Variants in GRM7 observed in about 807,000 individuals in gnomAD.
The protein encoded by GRM7 is glutamate metabotropic receptor 7.
GRM7 carries 35 observed loss-of-function variants against 84.5 expected under a neutral mutation model. The ratio of observed to expected loss-of-function variants is 0.41; its 90% CI spans 0.32 to 0.55. The LOEUF is 0.55. GRM7 is among the 20% of genes least tolerant of loss of function. GRM7 has a pLI of 0.19. For synonymous variants in GRM7, 487 were observed against 455.1 expected, an observed-to-expected ratio of 1.07 and a Z score of -0.89; for missense variants, 1,003 against 1,194.6, an observed-to-expected ratio of 0.84 and a Z score of 2.36.
chr3:7,019,311 C>G (rs940702287), intron 1 of GRM7, among the ~76,000 whole-genome samples: 3 of 152,052 alleles, frequency 2.0e-5, no homozygotes, highest in Non-Finnish European at 4.4e-5. Flanking sequence ...CACCCAAAGT[C>G]AATACTTTAC....
chr3:7,316,074 G>A (rs753630002), intron 4 of GRM7, among the ~76,000 whole-genome samples: 1 of 152,096 alleles, frequency 6.6e-6, no homozygotes, highest in Non-Finnish European at 1.5e-5. Context: ...TATCTATCAG[G>A]GAAAGAGTGT....
chr3:7,134,977 CA>C (rs1559462696), intron 1 of GRM7, among the ~76,000 whole-genome samples: 1 of 152,112 alleles, frequency 6.6e-6, no homozygotes, highest in African/African-American at 2.4e-5. Flanking sequence ...AAAATGGTTA[CA>C]AACCACTCAC....
At chr3:7,251,983 AAT>A (rs1384965237) in intron 2 of GRM7, among the ~76,000 whole-genome samples, 1 of 152,186 alleles carries the variant, frequency 6.6e-6, no homozygotes, top group Non-Finnish European at 1.5e-5. Flanking sequence ...TATTAGGAGT[AAT>A]ATTTAAAGTG....
intron 1 of GRM7, among the ~76,000 whole-genome samples, chr3:7,089,131 C>CT (rs573652868): frequency 6.6e-6 from 1 of 152,250 alleles, no homozygotes; most frequent in African/African-American, 2.4e-5. Context: ...AAAATTCCAA[C>CT]TTTATTGGGT....
At chr3:7,258,662 T>G (rs990312749) in intron 2 of GRM7, among the ~76,000 whole-genome samples, 1 of 152,246 alleles carries the variant, frequency 6.6e-6, no homozygotes, top group African/African-American at 2.4e-5. Flanking sequence ...AGAAGATTCC[T>G]GAAGGCTGGG....
chr3:7,453,268 A>G (rs1697854886), intron 6 of GRM7, among the ~76,000 whole-genome samples: 1 of 152,080 alleles, frequency 6.6e-6, no homozygotes, highest in South Asian at 2.1e-4. Flanking sequence ...TGCAGTGGAC[A>G]CAAGCTGACT....
At chr3:7,388,717 G>T (rs901358264) in intron 4 of GRM7, among the ~76,000 whole-genome samples, 6 of 151,952 alleles carry the variant, frequency 3.9e-5, no homozygotes, top group African/African-American at 1.4e-4. Flanking sequence ...TTTTCTTTGT[G>T]TACATAGAGA....
At chr3:7,274,878 C>A (rs1698995311) in intron 2 of GRM7, among the ~76,000 whole-genome samples, 1 of 151,810 alleles carries the variant, frequency 6.6e-6, no homozygotes, top group Non-Finnish European at 1.5e-5. Flanking sequence ...TCAAATATTT[C>A]TTGTGTTCCT....
intron 8 of GRM7, among the ~76,000 whole-genome samples, chr3:7,625,341 G>T (rs1697560428): frequency 6.6e-6 from 1 of 152,026 alleles, no homozygotes; most frequent in African/African-American, 2.4e-5. Context: ...AGTCTAGAGG[G>T]CAAGAAAAAA....
At chr3:7,084,212 ATAG>A in intron 1 of GRM7, among the ~76,000 whole-genome samples, 1 of 152,228 alleles carries the variant, frequency 6.6e-6, no homozygotes, top group South Asian at 2.1e-4. Context: ...CATATATGAA[ATAG>A]TAGAGGCAAC....
intron 4 of GRM7, among the ~76,000 whole-genome samples, chr3:7,400,183 T>C (rs1482962261): frequency 6.6e-6 from 1 of 152,190 alleles, no homozygotes; most frequent in African/African-American, 2.4e-5. Context: ...GACAGGCATC[T>C]TCCCTGGCAG....
intron 9 of GRM7, among the ~76,000 whole-genome samples, chr3:7,737,617 G>A (rs1702548580): frequency 1.3e-5 from 2 of 152,086 alleles, no homozygotes; most frequent in Admixed American, 6.6e-5. Flanking sequence ...ATTGGACATT[G>A]CTGTGAAAAG....
chr3:7,314,542 A>G (rs140998106), intron 4 of GRM7, among the ~76,000 whole-genome samples: 9 of 152,082 alleles, frequency 5.9e-5, no homozygotes, highest in African/African-American at 2.2e-4. Context: ...TAGCAGAAGT[A>G]GACAGATGAT....
chr3:7,659,225 A>G (rs754687963), intron 8 of GRM7, among the ~76,000 whole-genome samples: 28 of 152,224 alleles, frequency 1.8e-4, no homozygotes, highest in Non-Finnish European at 3.1e-4. Context: ...TTTGCAGAAT[A>G]CTGGTTTACT....
intron 8 of GRM7, among the ~76,000 whole-genome samples, chr3:7,676,235 A>G (rs1700116575): frequency 6.6e-6 from 1 of 152,116 alleles, no homozygotes; most frequent in Non-Finnish European, 1.5e-5. Context: ...GAAAACTCAT[A>G]ACTTCAGTGT....
At chr3:7,153,277 A>G (rs1694345921) in intron 2 of GRM7, among the ~76,000 whole-genome samples, 2 of 151,722 alleles carry the variant, frequency 1.3e-5, no homozygotes, top group East Asian at 1.9e-4. Context: ...TGCTTAACCT[A>G]GACAGAATTG....
chr3:7,124,665 C>A (rs1007396309), intron 1 of GRM7, among the ~76,000 whole-genome samples: 1 of 152,016 alleles, frequency 6.6e-6, no homozygotes, highest in Non-Finnish European at 1.5e-5. Context: ...AACAATGATA[C>A]TTTTTTCTTA....
intron 7 of GRM7, among the ~76,000 whole-genome samples, chr3:7,492,512 G>T (rs989529803): frequency 1.3e-5 from 2 of 151,990 alleles, no homozygotes; most frequent in African/African-American, 4.8e-5. Flanking sequence ...GTTGGTTGTT[G>T]TTCTATTTAC....
At chr3:7,059,690 T>A (rs1697362393) in intron 1 of GRM7, among the ~76,000 whole-genome samples, 1 of 151,756 alleles carries the variant, frequency 6.6e-6, no homozygotes, top group Admixed American at 6.6e-5. Context: ...AGAGGTTTGA[T>A]TTTTGGAAGG....
Sources: gnomAD v4.1 joint callset for allele counts (sites outside exome capture counted in the v4.1 genomes callset) on GRCh38, gnomAD v4.1.1 for gene constraint, MANE v1.5 for transcripts, NCBI Gene and HGNC (gene_info 2026-07-23, HGNC 2026-07-21) for gene names.